Variants in ANK2 observed in about 807,000 individuals in gnomAD.
The protein encoded by ANK2 is ankyrin 2, also known as ankyrin-2.
A neutral mutation model predicts 360.5 loss-of-function variants in ANK2; 83 were observed. The ratio of observed to expected loss-of-function variants is 0.23; its 90% CI spans 0.19 to 0.28. The LOEUF (loss-of-function observed/expected upper bound fraction) is 0.28. Among genes scored for constraint, ANK2 ranks in the 10% least tolerant of loss-of-function variants. ANK2 has a pLI of 1.00. For missense variants in ANK2, 4,201 were observed against 4,795.7 expected (o/e 0.88, Z 3.66); for synonymous variants, 1,740 against 1,759.5 (o/e 0.99, Z 0.28).
chr4:113,333,212 C>A lies in ANK2; in HGVS notation c.3379+4C>A, dbSNP rs752152002. On this transcript the variant is annotated splice_donor_region_variant and intron_variant, in intron 29 of 45. Coordinates refer to ENST00000357077, the MANE Select transcript of ANK2 (RefSeq NM_001148.6). Reference sequence around the variant, plus strand: ...ATTCTTAACGGCATGGATGAAGGTACTTTCAGATGAAGCGTTTTAAAAGAA... The same window carrying A: ...ATTCTTAACGGCATGGATGAAGGTAATTTCAGATGAAGCGTTTTAAAAGAA... 2.0e-5 allele frequency: 32 copies of A among 1,613,908 alleles called. No individual in the cohort carries two copies. The highest frequency in any genetic ancestry group is 2.5e-5 in the Non-Finnish European group (30 of 1,180,024).
intron 26 of ANK2, among the ~76,000 whole-genome samples, chr4:113,327,781 A>G (rs2090761410): frequency 6.6e-6 from 1 of 152,188 alleles, no homozygotes; most frequent in Non-Finnish European, 1.5e-5. Flanking sequence ...AGCAGCTGCT[A>G]TGTCTTTACT....
At chr4:113,226,825 C>T (rs2099229466) in intron 4 of ANK2, among the ~76,000 whole-genome samples, 1 of 152,182 alleles carries the variant, frequency 6.6e-6, no homozygotes, top group Non-Finnish European at 1.5e-5. Context: ...CTGTTGGTCA[C>T]ACCAGAACTA....
chr4:113,140,006 A>AT (rs902824363), intron 1 of ANK2, among the ~76,000 whole-genome samples: 61 of 152,346 alleles, frequency 4.0e-4, no homozygotes, highest in African/African-American at 1.4e-3. Flanking sequence ...CATATAGGGA[A>AT]TTTAGTGTAG....
At chr4:112,999,431 G>GGGGC (rs2049816556) in intron 2 of ANK2, among the ~76,000 whole-genome samples, 1 of 152,118 alleles carries the variant, frequency 6.6e-6, no homozygotes, top group Non-Finnish European at 1.5e-5. Context: ...ACTTACTGAT[G>GGGGC]ATTCCCACAG....
rs563507348 is a variant in ANK2 at position 113,339,700 on chromosome 4, G to A, written c.3893+378G>A. Among the ~76,000 whole-genome samples the A allele has an allele frequency of 1.4e-4, 21 of 152,314 alleles. No homozygotes were observed. The South Asian group carries it at 3.5e-3, about 26-fold the overall frequency. On this transcript the variant is annotated intron_variant, in intron 32 of 45. Transcript: ENST00000357077. ...GAATGATAACAGCACAAATCTCACCGTGGTTTGTCTAAAAGGCTTAGAGGC... is the reference window on the plus strand; with the variant it reads ...GAATGATAACAGCACAAATCTCACCATGGTTTGTCTAAAAGGCTTAGAGGC...
rs753105287 is a variant in ANK2, at chr4:113,369,638, C to T, written c.11443C>T (p.Pro3815Ser). Residue 3815 changes from proline (P) to serine (S), a missense_variant, in exon 43 of 46, where the codon CCA (proline) becomes TCA (serine). Transcript: ENST00000357077. ...GGAGGAGAAGCTGTACCTCCAGACC[C>T]CAACATCCAGCGAGCGGGGAGGCTC... ...AEEEKLYLQTPTSSERGGSPI... is the reference protein window; with the variant it reads ...AEEEKLYLQTSTSSERGGSPI... 6.2e-7 allele frequency: 1 copy of T among 1,614,028 alleles called. No individual in the cohort carries two copies. Among genetic ancestry groups the T allele is most frequent in the South Asian group, 1.1e-5 (1 of 91,086 alleles).
chr4:113,008,400 TCA>T (rs151007882), intron 2 of ANK2, among the ~76,000 whole-genome samples: 4,965 of 152,272 alleles, frequency 0.033, 119 homozygotes, highest in Non-Finnish European at 0.051. Context: ...TAGTTTTAGT[TCA>T]CACTGGAGGT....
At chr4:113,362,518 C>T (rs2154043339) in intron 39 of ANK2, among the ~76,000 whole-genome samples, 1 of 152,288 alleles carries the variant, frequency 6.6e-6, no homozygotes, top group Admixed American at 6.5e-5. Flanking sequence ...AATCATAGCT[C>T]ACTGTAACCT....
At chr4:112,988,948 G>A (rs565588550) in intron 2 of ANK2, among the ~76,000 whole-genome samples, 2 of 152,122 alleles carry the variant, frequency 1.3e-5, no homozygotes, top group Admixed American at 6.6e-5. Context: ...ACAGATTTTC[G>A]GGGTGTTTCA....
chr4:113,274,358 T>C (rs1393448780), intron 14 of ANK2, 94 bp from the exon 15 acceptor site: 18 of 1,390,728 alleles, frequency 1.3e-5, no homozygotes, highest in Non-Finnish European at 1.7e-5. Flanking sequence ...TTCCTAGAGA[T>C]TCCAAGAAGA....
intron 1 of ANK2, chr4:112,881,662 G>T: frequency 2.2e-6 from 1 of 456,984 alleles, no homozygotes; most frequent in South Asian, 3.2e-5. Flanking sequence ...CCACAGAACA[G>T]AAGCTAAAAT....
At chr4:113,094,656 G>C (rs1407801247) in intron 1 of ANK2, among the ~76,000 whole-genome samples, 1 of 152,128 alleles carries the variant, frequency 6.6e-6, no homozygotes, top group Non-Finnish European at 1.5e-5. Context: ...TACATATTTA[G>C]TGTGGGGTAC....
intron 2 of ANK2, among the ~76,000 whole-genome samples, chr4:112,923,191 A>G (rs1443568025): frequency 6.6e-6 from 1 of 152,210 alleles, no homozygotes; most frequent in African/African-American, 2.4e-5. Context: ...TAAACTAGAC[A>G]TCAGTGAAAT....
At chr4:112,983,897 G>C (rs1218496960) in intron 2 of ANK2, among the ~76,000 whole-genome samples, 3 of 152,028 alleles carry the variant, frequency 2.0e-5, no homozygotes, top group African/African-American at 7.2e-5. Context: ...ATACTTTGGG[G>C]TCATTATTCA....
chr4:113,290,096 T>G (rs138646889), intron 20 of ANK2, among the ~76,000 whole-genome samples: 361 of 152,276 alleles, frequency 2.4e-3, no homozygotes, highest in South Asian at 4.4e-3. Context: ...ATCAATGGTC[T>G]CCCTGGAGTT....
intron 1 of ANK2, among the ~76,000 whole-genome samples, chr4:113,079,665 C>T (rs1468885238): frequency 6.6e-6 from 1 of 152,024 alleles, no homozygotes; most frequent in African/African-American, 2.4e-5. Flanking sequence ...TCGTTGATAC[C>T]TGCCTTTCTT....
At chr4:113,154,275 A>C (rs1407848905) in intron 1 of ANK2, among the ~76,000 whole-genome samples, 3 of 152,362 alleles carry the variant, frequency 2.0e-5, no homozygotes, top group Middle Eastern at 3.4e-3. Context: ...GTGTACCTAT[A>C]TAGAGTCCTT....
At chr4:113,264,241 A>G (rs1429054476) in intron 13 of ANK2, among the ~76,000 whole-genome samples, 2 of 152,246 alleles carry the variant, frequency 1.3e-5, no homozygotes, top group African/African-American at 4.8e-5. Flanking sequence ...TTCAGAAGGA[A>G]ATTTTGAATC....
At chr4:112,759,961 C>T in the ANK2 span, among the ~76,000 whole-genome samples, 5 of 152,036 alleles carry the variant, frequency 3.3e-5, no homozygotes, top group Admixed American at 2.0e-4. Flanking sequence ...CCTTAGAAAC[C>T]ACTTAATATG....
Sources: gnomAD v4.1 joint callset for allele counts (sites outside exome capture counted in the v4.1 genomes callset) on GRCh38, gnomAD v4.1.1 for gene constraint, MANE v1.5 for transcripts, NCBI Gene and HGNC (gene_info 2026-07-23, HGNC 2026-07-21) for gene names.